Variants in OR5A1 observed in about 807,000 individuals in gnomAD.
OR5A1 encodes the protein olfactory receptor family 5 subfamily A member 1, also known as olfactory receptor 5A1.
In OR5A1, 6 loss-of-function variants were observed where a neutral mutation model predicts 6.7. That is an observed-to-expected ratio of 0.89 (90% CI 0.49 to 1.76). OR5A1 has a LOEUF of 1.76. Ranked by LOEUF, OR5A1 falls within the 40% of genes most tolerant of loss-of-function variation. OR5A1 has a pLI of 0.01. For missense variants in OR5A1, 378 were observed against 381.7 expected, an observed-to-expected ratio of 0.99 and a Z score of 0.08; for synonymous variants, 170 against 155.0, an observed-to-expected ratio of 1.10 and a Z score of -0.72.
chr11:59,438,308 A>G (rs1858444985), intron 1 of OR5A1, among the ~76,000 whole-genome samples: 1 of 152,242 alleles, frequency 6.6e-6, no homozygotes, highest in Admixed American at 6.5e-5. Flanking sequence ...GTTCTCTTCA[A>G]CTGGTAATCA....
At position 59,443,867 on chromosome 11, in the gene OR5A1, AGCAGAGGGCCGATGGAAAGCCT is replaced by A; in HGVS notation, c.703_724del (p.Glu235ThrfsTer7). ...TGTCTGCGGTCCTGAAGATCCCTTC[AGCAGAGGGCCGATGGAAAGCCT>A]GCAACACGTGTGCCTCGCATCTGAT... On this transcript the variant is annotated frameshift_variant, in exon 2 of 2. Transcript: ENST00000641045. LOFTEE classifies it high-confidence loss of function. 6.2e-7 allele frequency: 1 copy of A among 1,614,082 alleles called. No individual in the cohort carries two copies. Among genetic ancestry groups the A allele is most frequent in the Non-Finnish European group, 8.5e-7 (1 of 1,180,010 alleles).
chr11:59,442,942 A>G (rs2134536834), intron 1 of OR5A1, among the ~76,000 whole-genome samples, 194 bp from the exon 2 acceptor site: 1 of 152,334 alleles, frequency 6.6e-6, no homozygotes, highest in East Asian at 1.9e-4. Flanking sequence ...TATCAACTAC[A>G]CTATACTACC....
Position 59,445,732 on chromosome 11 carries a change from ATTT to A in OR5A1, c.*1620_*1622del, listed in dbSNP as rs1034792109. 1.3e-5 allele frequency: 2 copies of A among 150,814 alleles called. No homozygotes were observed. The highest frequency in any genetic ancestry group is 4.9e-5 in the African/African-American group (2 of 41,060). The allele number at this position is 150,814 out of a possible 1,614,324, so 9.3% of individuals were successfully genotyped here. A position where few individuals can be genotyped will look rare whatever the true frequency, so the allele number is the denominator to read the frequency against. ...TAGCATGAGATGGTATCTCATTGTG[ATTT>A]TTTATTTGCATTTCTCTAATAATTA... is the stretch of plus-strand genomic sequence containing the variant. On this transcript the variant is annotated 3_prime_UTR_variant, in exon 2 of 2. Coordinates refer to ENST00000641045, the MANE Select transcript of OR5A1 (RefSeq NM_001004728.2).
intron 1 of OR5A1, 85 bp from the exon 2 acceptor site, chr11:59,443,051 C>A: frequency 5.8e-6 from 4 of 686,764 alleles, no homozygotes; most frequent in South Asian, 5.5e-5. Context: ...AAAGCTGTAA[C>A]CTGTAATCCT....
In OR5A1 at chr11:59,443,848, C is replaced by T. The variant is rs796662079; in HGVS notation, c.680C>T (p.Ala227Val). The T allele has an allele frequency of 3.7e-6, 6 of 1,614,060 alleles. No individual in the cohort carries two copies. Among genetic ancestry groups the T allele is most frequent in the South Asian group, 2.2e-5 (2 of 91,066 alleles). ...LLISYGYIVS[A>V]VLKIPSAEGR... is the part of the protein sequence containing the mutation. ...ATCTCCTATGGTTACATAGTGTCTGCGGTCCTGAAGATCCCTTCAGCAGAG... is the reference window on the plus strand; with the variant it reads ...ATCTCCTATGGTTACATAGTGTCTGTGGTCCTGAAGATCCCTTCAGCAGAG... Residue 227 changes from alanine (A) to valine (V), a missense_variant, in exon 2 of 2, where the codon GCG becomes GTG. By Grantham distance (64) the Ala-to-Val change is moderately conservative. Coordinates refer to ENST00000641045, the MANE Select transcript of OR5A1 (RefSeq NM_001004728.2).
At chr11:59,440,765 G>T (rs563153211) in intron 1 of OR5A1, among the ~76,000 whole-genome samples, 10 of 152,268 alleles carry the variant, frequency 6.6e-5, no homozygotes, top group African/African-American at 2.4e-4. Context: ...ATCCTCTCTT[G>T]ACTCTAGAAA....
intron 1 of OR5A1, among the ~76,000 whole-genome samples, chr11:59,439,299 T>C (rs1190812208): frequency 1.3e-5 from 2 of 152,200 alleles, no homozygotes; most frequent in Admixed American, 1.3e-4. Flanking sequence ...TATTATTATC[T>C]TCCCGTGTCA....
Position 59,448,359 on chromosome 11 carries a change from C to T in OR5A1, c.*4243C>T, listed in dbSNP as rs1479060065. On this transcript the variant is annotated 3_prime_UTR_variant, in exon 2 of 2. Coordinates refer to ENST00000641045, the MANE Select transcript of OR5A1 (RefSeq NM_001004728.2). ...AAGAAGTCCTAAACTGAAGTTCCAT[C>T]CACGACTATGAGGGGCCACTAGACC... 6.6e-6 allele frequency: 1 copy of T among 152,154 alleles called. No individual in the cohort carries two copies. The highest frequency in any genetic ancestry group is 1.5e-5 in the Non-Finnish European group (1 of 68,034). 9.4% of individuals were successfully genotyped at this position (152,154 alleles called of 1,614,324 possible).
chr11:59,441,664 G>A (rs1040839845), intron 1 of OR5A1, among the ~76,000 whole-genome samples: 1 of 152,218 alleles, frequency 6.6e-6, no homozygotes, highest in Non-Finnish European at 1.5e-5. Context: ...GAGACTCAGT[G>A]TGGCTGTGTG....
chr11:59,444,086 G>A lies in OR5A1; in HGVS notation c.918G>A (p.Lys306=). The A allele has an allele frequency of 6.2e-7, 1 of 1,613,492 alleles. No individual in the cohort carries two copies. Among genetic ancestry groups the A allele is most frequent in the Non-Finnish European group, 8.5e-7 (1 of 1,179,552 alleles). The change falls in exon 2 of 2, where the codon AAG becomes AAA. Residue 306 remains lysine, a synonymous_variant. Coordinates refer to ENST00000641045, the MANE Select transcript of OR5A1 (RefSeq NM_001004728.2). ...RNKEIKDALW[K]VLERKKVFS ...AAGAGATCAAGGATGCCCTGTGGAA[G>A]GTGTTGGAAAGGAAGAAAGTGTTTT...
At position 59,448,119 on chromosome 11, in the gene OR5A1, A is replaced by G. The variant is rs896512382; in HGVS notation, c.*4003A>G. 6.6e-6 allele frequency: 1 copy of G among 152,224 alleles called. No individual in the cohort carries two copies. The highest frequency in any genetic ancestry group is 1.5e-5 in the Non-Finnish European group (1 of 68,050). The allele number at this position is 152,224 out of a possible 1,614,324, so 9.4% of individuals were successfully genotyped here. On this transcript the variant is annotated 3_prime_UTR_variant, in exon 2 of 2. Coordinates refer to ENST00000641045, the MANE Select transcript of OR5A1 (RefSeq NM_001004728.2). The stretch of plus-strand genomic sequence containing the variant: ...ACAAATTTGTATTGGTCCACATTCA[A>G]AGCCGTCCTGGGCCGCATGAAGCCC...
Position 59,444,026 on chromosome 11 carries a change from C to T in OR5A1, c.858C>T (p.Pro286=), listed in dbSNP as rs528971865. The change falls in exon 2 of 2, where the codon CCC becomes CCT. Residue 286 remains proline (P), a synonymous_variant. Coordinates refer to ENST00000641045, the MANE Select transcript of OR5A1 (RefSeq NM_001004728.2). ...CTGTTTTCTATTCATTGGTGATCCC[C>T]ATGCTGAACCCTCTCATTTACAGTT... ...VVSVFYSLVI[P]MLNPLIYSLR... 8.9e-5 allele frequency: 143 copies of T among 1,614,104 alleles called. 3 individuals carry two copies. The South Asian group carries it at 1.4e-3, about 16-fold the overall frequency.
Position 59,449,399 on chromosome 11 carries a change from A to AGG in OR5A1, c.*5284_*5285insGG, listed in dbSNP as rs1858589926. ...CAAAATGTCCATTTGCAATTCTGGA[A>AGG]GTATATGTCATCTTGAACTAGAAGC... On this transcript the variant is annotated 3_prime_UTR_variant, in exon 2 of 2. Transcript: ENST00000641045. 1 of 152,206 alleles carries AGG rather than the reference A, an allele frequency of 6.6e-6. No homozygotes were observed. The highest frequency in any genetic ancestry group is 2.4e-5 in the African/African-American group (1 of 41,450). 9.4% of individuals were successfully genotyped at this position (152,206 alleles called of 1,614,324 possible).
intron 1 of OR5A1, among the ~76,000 whole-genome samples, chr11:59,438,081 C>G (rs1858440337): frequency 6.6e-6 from 1 of 152,190 alleles, no homozygotes; most frequent in South Asian, 2.1e-4. Context: ...GTCTACTCCC[C>G]CTTCACCTTC....
chr11:59,437,100 A>T (rs1047684913), intron 1 of OR5A1, among the ~76,000 whole-genome samples: 3 of 152,160 alleles, frequency 2.0e-5, no homozygotes, highest in African/African-American at 7.2e-5. Context: ...ACTCCTACAC[A>T]TGCATAGCCT....
rs768822534 is a variant in OR5A1, at chr11:59,444,016, T to C, written c.848T>C (p.Leu283Ser). Reference sequence around the variant, plus strand: ...AAGGTGGTGTCTGTTTTCTATTCATTGGTGATCCCCATGCTGAACCCTCTC... The same window carrying C: ...AAGGTGGTGTCTGTTTTCTATTCATCGGTGATCCCCATGCTGAACCCTCTC... ...RDKVVSVFYS[L>S]VIPMLNPLIY... Residue 283 changes from leucine (L) to serine (S), a missense_variant, in exon 2 of 2, where the codon TTG (leucine) becomes TCG (serine). By Grantham distance (145) the Leu-to-Ser change is moderately radical. Coordinates refer to ENST00000641045, the MANE Select transcript of OR5A1 (RefSeq NM_001004728.2). 2 of 1,614,006 alleles carry C rather than the reference T, an allele frequency of 1.2e-6. No individual in the cohort carries two copies. Among genetic ancestry groups the C allele is most frequent in the Admixed American group, 3.3e-5 (2 of 60,010 alleles).
In OR5A1 at chr11:59,444,239, C is replaced by T. The variant is rs1590614130; in HGVS notation, c.*123C>T. 1 of 568,094 alleles carries T rather than the reference C, an allele frequency of 1.8e-6. No homozygotes were observed. Among genetic ancestry groups the T allele is most frequent in the East Asian group, 3.2e-5 (1 of 30,800 alleles). 35.2% of individuals were successfully genotyped at this position (568,094 alleles called of 1,614,324 possible). ...TCTCATTTGTGGAGACTCTTCCCTC[C>T]AGATTCCTCTCACCCTTCCTCATGG... is the stretch of plus-strand genomic sequence containing the variant. On this transcript the variant is annotated 3_prime_UTR_variant, in exon 2 of 2. Coordinates refer to ENST00000641045, the MANE Select transcript of OR5A1 (RefSeq NM_001004728.2).
chr11:59,438,450 T>G (rs1005029157), intron 1 of OR5A1, among the ~76,000 whole-genome samples: 23 of 152,208 alleles, frequency 1.5e-4, no homozygotes, highest in African/African-American at 5.1e-4. Flanking sequence ...TATTAGATGC[T>G]AAGGTAGAAC....
Position 59,444,119 on chromosome 11 carries a change from C to A in OR5A1, c.*3C>A. 2 of 1,590,608 alleles carry A rather than the reference C, an allele frequency of 1.3e-6. No homozygotes were observed. Among genetic ancestry groups the A allele is most frequent in the South Asian group, 2.2e-5 (2 of 90,294 alleles). On this transcript the variant is annotated 3_prime_UTR_variant, in exon 2 of 2. Transcript: ENST00000641045. ...AAAGGAAGAAAGTGTTTTCTTAGGT[C>A]ATGCGTAGAAACTTATTTATCCAAA...
Sources: allele counts gnomAD v4.1 joint callset (sites outside exome capture counted in the v4.1 genomes callset), GRCh38; gene constraint gnomAD v4.1.1; transcripts MANE v1.5; gene names NCBI Gene and HGNC (gene_info 2026-07-23, HGNC 2026-07-21).